Variants in MPPED2 observed in about 807,000 individuals in gnomAD.
MPPED2 encodes metallophosphoesterase MPPED2.
In MPPED2, 5 loss-of-function variants were observed where a neutral mutation model predicts 33.0. The ratio of observed to expected loss-of-function variants is 0.15; its 90% CI spans 0.08 to 0.32. MPPED2 has a LOEUF of 0.32. Ranked by LOEUF, MPPED2 falls within the 10% of genes least tolerant of loss-of-function variation. The pLI is 1.00. For synonymous variants in MPPED2, 136 were observed against 141.9 expected (o/e 0.96, Z 0.29); for missense variants, 275 against 372.1 (o/e 0.74, Z 2.15).
chr11:30,421,160 A>G (rs1948594040), intron 4 of MPPED2, among the ~76,000 whole-genome samples: 2 of 152,206 alleles, frequency 1.3e-5, no homozygotes, highest in Admixed American at 6.5e-5. Context: ...CTGAACCCAC[A>G]GGACACCCAG....
At chr11:30,474,534 C>T (rs7114958) in intron 4 of MPPED2, among the ~76,000 whole-genome samples, 2,015 of 152,214 alleles carry the variant, frequency 0.013, 44 homozygotes, top group African/African-American at 0.046. Context: ...ATGACTATAC[C>T]TTGCCAATCA....
At chr11:30,584,669 C>T (rs1314645750) in intron 1 of MPPED2, 1 of 152,612 alleles carries the variant, frequency 6.6e-6, no homozygotes, top group Non-Finnish European at 1.5e-5. Context: ...CACAGCCCCA[C>T]GTCCCCGACC....
At chr11:30,578,420 C>A (rs1056569186) in intron 2 of MPPED2, among the ~76,000 whole-genome samples, 1 of 152,140 alleles carries the variant, frequency 6.6e-6, no homozygotes, top group South Asian at 2.1e-4. Context: ...TAGGTTGCCC[C>A]ATTTTCAAGC....
At chr11:30,443,073 T>G (rs1293741862) in intron 4 of MPPED2, among the ~76,000 whole-genome samples, 1 of 152,068 alleles carries the variant, frequency 6.6e-6, no homozygotes, top group Non-Finnish European at 1.5e-5. Flanking sequence ...AGACACAATA[T>G]AAATTTATAC....
At chr11:30,521,651 T>G (rs1475853261) in intron 3 of MPPED2, among the ~76,000 whole-genome samples, 1 of 152,254 alleles carries the variant, frequency 6.6e-6, no homozygotes, top group African/African-American at 2.4e-5. Context: ...GAAGTCAAAA[T>G]ACATATTAGG....
At chr11:30,391,123 T>C (rs959579470) in intron 6 of MPPED2, among the ~76,000 whole-genome samples, 2 of 151,990 alleles carry the variant, frequency 1.3e-5, no homozygotes, top group Non-Finnish European at 1.5e-5. Flanking sequence ...ATCCCAGAAG[T>C]GAAGAGATGG....
At chr11:30,446,800 C>T (rs535289132) in intron 4 of MPPED2, among the ~76,000 whole-genome samples, 51 of 152,156 alleles carry the variant, frequency 3.4e-4, no homozygotes, top group South Asian at 1.0e-3. Context: ...CCAAGACTGT[C>T]GGAGCCCCCC....
chr11:30,394,954 C>T (rs1947822709), intron 6 of MPPED2, among the ~76,000 whole-genome samples: 1 of 152,154 alleles, frequency 6.6e-6, no homozygotes, highest in African/African-American at 2.4e-5. Flanking sequence ...CTTTAAAAGA[C>T]TGGACTTTCT....
intron 4 of MPPED2, among the ~76,000 whole-genome samples, chr11:30,435,365 T>A (rs1401656742): frequency 1.3e-5 from 2 of 152,230 alleles, no homozygotes; most frequent in East Asian, 3.8e-4. Context: ...AGTGGTGCTG[T>A]CTGCCTTTTT....
At chr11:30,572,699 A>G (rs889655803) in intron 2 of MPPED2, among the ~76,000 whole-genome samples, 5 of 152,146 alleles carry the variant, frequency 3.3e-5, no homozygotes, top group Admixed American at 6.5e-5. Context: ...AGTAAGTGCC[A>G]TTTTACAGAG....
chr11:30,559,550 T>A (rs927121864), intron 2 of MPPED2, among the ~76,000 whole-genome samples: 7 of 152,192 alleles, frequency 4.6e-5, no homozygotes, highest in South Asian at 2.1e-4. Context: ...CTATACTCAA[T>A]CTTCTCCTTC....
intron 3 of MPPED2, among the ~76,000 whole-genome samples, chr11:30,532,413 C>T (rs1954579393): frequency 6.6e-6 from 1 of 152,156 alleles, no homozygotes; most frequent in Admixed American, 6.5e-5. Flanking sequence ...TCCCTCTTTA[C>T]ACTCTGGATC....
intron 4 of MPPED2, among the ~76,000 whole-genome samples, chr11:30,453,155 C>T (rs938016898): frequency 1.3e-5 from 2 of 152,052 alleles, no homozygotes; most frequent in African/African-American, 4.8e-5. Flanking sequence ...CTCTGGTGAC[C>T]ACCAAAATAG....
In MPPED2 at chr11:30,417,502, C is replaced by T. The variant is rs767959397; in HGVS notation, c.652+16G>A. ...AAGGCATCTGGATGACAAAGGACAA[C>T]CTTTGCTTCACTTACCTAGAGGAGG... On this transcript the variant is annotated intron_variant, in intron 5 of 6. Coordinates refer to ENST00000358117, the MANE Select transcript of MPPED2 (RefSeq NM_001584.3). 3.4e-6 allele frequency: 5 copies of T among 1,485,852 alleles called. No homozygotes were observed. The highest frequency in any genetic ancestry group is 4.7e-6 in the Non-Finnish European group (5 of 1,065,246). 92.0% of individuals were successfully genotyped at this position (1,485,852 alleles called of 1,614,324 possible).
chr11:30,445,296 A>G (rs180987748), intron 4 of MPPED2, among the ~76,000 whole-genome samples: 2 of 152,326 alleles, frequency 1.3e-5, no homozygotes, highest in East Asian at 3.9e-4. Flanking sequence ...AAGGGCTAAC[A>G]TGATTTGTTG....
At chr11:30,545,965 T>A (rs1955403185) in intron 2 of MPPED2, among the ~76,000 whole-genome samples, 1 of 152,278 alleles carries the variant, frequency 6.6e-6, no homozygotes, top group African/African-American at 2.4e-5. Context: ...GTTCAAGCTA[T>A]TCTCTTGCCT....
chr11:30,401,622 C>T (rs956102840), intron 6 of MPPED2, among the ~76,000 whole-genome samples: 15 of 152,162 alleles, frequency 9.9e-5, no homozygotes, highest in Non-Finnish European at 2.1e-4. Context: ...ATAGATTCAA[C>T]TGAAAGAAGG....
chr11:30,539,662 C>T (rs1348296671), intron 2 of MPPED2, among the ~76,000 whole-genome samples: 3 of 152,032 alleles, frequency 2.0e-5, no homozygotes, highest in African/African-American at 7.2e-5. Flanking sequence ...GCTCTATCAC[C>T]CAGGCTGGAG....
At chr11:30,539,826 T>C (rs1298653805) in intron 2 of MPPED2, among the ~76,000 whole-genome samples, 1 of 152,052 alleles carries the variant, frequency 6.6e-6, no homozygotes. Context: ...TGAGGTCTTG[T>C]TATGTTTCCT....
Sources: allele counts gnomAD v4.1 joint callset (sites outside exome capture counted in the v4.1 genomes callset), GRCh38; gene constraint gnomAD v4.1.1; transcripts MANE v1.5; gene names NCBI Gene and HGNC (gene_info 2026-07-23, HGNC 2026-07-21).